Variants in ANXA2R observed in about 807,000 individuals in gnomAD.
The protein encoded by ANXA2R is annexin A2 receptor.
For missense variants in ANXA2R, 244 were observed against 241.5 expected (o/e 1.01, Z -0.07); for synonymous variants, 93 against 93.6 (o/e 0.99, Z 0.04).
In ANXA2R at chr5:43,040,047, C is replaced by T. The variant is rs753033445; in HGVS notation, c.-1G>A. On this transcript the variant is annotated 5_prime_UTR_variant, in exon 1 of 1. Coordinates refer to ENST00000616064, the MANE Select transcript of ANXA2R (RefSeq NM_001014279.3). ...CACAGCCAAGAAAATGTTGCTCCATCCCTCAAGCCTCAGACCAACGTTTGC... is the reference window on the plus strand; with the variant it reads ...CACAGCCAAGAAAATGTTGCTCCATTCCTCAAGCCTCAGACCAACGTTTGC... 36 of 1,597,902 alleles carry T rather than the reference C, an allele frequency of 2.3e-5. No homozygotes were observed. The South Asian group carries it at 3.8e-4, about 17-fold the overall frequency.
At position 43,039,869 on chromosome 5, in the gene ANXA2R, G is replaced by T. The variant is rs749578629; in HGVS notation, c.178C>A (p.Pro60Thr). The T allele has an allele frequency of 7.4e-6, 12 of 1,614,254 alleles. No individual in the cohort carries two copies. The South Asian group carries it at 1.3e-4, about 18-fold the overall frequency. ...TAGACTCCGGGCAGCCGCCAGCAAG[G>T]GCTGGAAAGCAGTCCCAAATCACAG... ...DSCDLGLLSSPCWRLPGVYWQ... is the reference protein window; with the variant it reads ...DSCDLGLLSSTCWRLPGVYWQ... Residue 60 changes from proline (P) to threonine (T), a missense_variant, in exon 1 of 1, where the codon CCT (proline) becomes ACT (threonine). Transcript: ENST00000616064.
chr5:43,043,233 G>C (rs1579633860), upstream of ANXA2R: 1 of 152,184 alleles, frequency 6.6e-6, no homozygotes, highest in Non-Finnish European at 1.5e-5. Flanking sequence ...AAATGTCTGT[G>C]CAGTTGCAAA....
Position 43,039,430 on chromosome 5 carries a change from C to G in ANXA2R, c.*35G>C. Reference sequence around the variant, plus strand: ...GACGTTTGGTAACTGAGAATCTTTTCAAGGAGGAGAATCCAAAAAGCCTTC... The same window carrying G: ...GACGTTTGGTAACTGAGAATCTTTTGAAGGAGGAGAATCCAAAAAGCCTTC... On this transcript the variant is annotated 3_prime_UTR_variant, in exon 1 of 1. Coordinates refer to ENST00000616064, the MANE Select transcript of ANXA2R (RefSeq NM_001014279.3). The G allele has an allele frequency of 6.8e-7, 1 of 1,465,808 alleles. No homozygotes were observed. The highest frequency in any genetic ancestry group is 1.5e-5 in the South Asian group (1 of 67,342). 90.8% of individuals were successfully genotyped at this position (1,465,808 alleles called of 1,614,324 possible). A position where few individuals can be genotyped will look rare whatever the true frequency, so the allele number is the denominator to read the frequency against.
chr5:43,041,176 A>C (rs1276689354), upstream of ANXA2R: 1 of 152,230 alleles, frequency 6.6e-6, no homozygotes, highest in African/African-American at 2.4e-5. Flanking sequence ...AATGAAAAAC[A>C]CATCGGTAAC....
upstream of ANXA2R, chr5:43,041,002 C>T (rs1233330541): frequency 6.6e-6 from 1 of 152,176 alleles, no homozygotes; most frequent in Admixed American, 6.5e-5. Context: ...GAAGCGGAGC[C>T]TCCAGACAGA....
rs1247999325 is a variant in ANXA2R at position 43,039,604 on chromosome 5, C to T, written c.443G>A (p.Arg148His). ...CCACGGCTGGAGGGCAGGAGGATGG[C>T]GGCGTTCCAAAAGGCACCCGCTGTC... ...VCDSGCLLER[R>H]HPPALQPWRH... The change falls in exon 1 of 1, where the codon CGC (arginine) becomes CAC (histidine). Residue 148 changes from arginine (R) to histidine (H), a missense_variant. Transcript: ENST00000616064. 4.3e-6 allele frequency: 7 copies of T among 1,613,828 alleles called. No homozygotes were observed. In the African/African-American group the frequency reaches 5.3e-5, roughly 12 times the overall value.
In ANXA2R at chr5:43,039,644, C is replaced by T. The variant is rs1472985120; in HGVS notation, c.403G>A (p.Asp135Asn). The change falls in exon 1 of 1, where the codon GAC (aspartate) becomes AAC (asparagine). Residue 135 changes from aspartate to asparagine, a missense_variant. Transcript: ENST00000616064. ...CACCCGCTGTCACAGACCTCGGTGTCCTGCTGTCTGTCCCAGGGATGGAGA... is the reference window on the plus strand; with the variant it reads ...CACCCGCTGTCACAGACCTCGGTGTTCTGCTGTCTGTCCCAGGGATGGAGA... ...SPLHPWDRQQDTEVCDSGCLL... is the reference protein window; with the variant it reads ...SPLHPWDRQQNTEVCDSGCLL... 6.2e-7 allele frequency: 1 copy of T among 1,613,572 alleles called. No individual in the cohort carries two copies. Among genetic ancestry groups the T allele is most frequent in the Admixed American group, 1.7e-5 (1 of 59,974 alleles).
chr5:43,039,448 A>G lies in ANXA2R; in HGVS notation c.*17T>C, dbSNP rs1742145234. On this transcript the variant is annotated 3_prime_UTR_variant, in exon 1 of 1. Transcript: ENST00000616064. ...ATCTTTTCAAGGAGGAGAATCCAAA[A>G]AGCCTTCTGCTGCTATCTAAGGCTG... is the stretch of plus-strand genomic sequence containing the variant. 1 of 1,489,936 alleles carries G rather than the reference A, an allele frequency of 6.7e-7. No homozygotes were observed. Among genetic ancestry groups the G allele is most frequent in the East Asian group, 2.3e-5 (1 of 42,862 alleles). 92.3% of individuals were successfully genotyped at this position (1,489,936 alleles called of 1,614,324 possible). A position where few individuals can be genotyped will look rare whatever the true frequency, so the allele number is the denominator to read the frequency against.
upstream of ANXA2R, chr5:43,042,858 A>G (rs1007849772): frequency 6.6e-6 from 1 of 152,528 alleles, no homozygotes. The surrounding 1 kb of genome is among the most constrained non-coding windows in gnomAD (Gnocchi z 5.6). Flanking sequence ...GCTCCGCGCA[A>G]TCAGTGGTTC....
In ANXA2R at chr5:43,040,089, G is replaced by A; in HGVS notation, c.-43C>T. ...AACGTTTGCGCTGATCAAGGAGGGA[G>A]AGTCTCTGCACTACCATCAGCCTGA... On this transcript the variant is annotated 5_prime_UTR_variant, in exon 1 of 1. Coordinates refer to ENST00000616064, the MANE Select transcript of ANXA2R (RefSeq NM_001014279.3). 1.9e-6 allele frequency: 3 copies of A among 1,540,020 alleles called. No individual in the cohort carries two copies. Among genetic ancestry groups the A allele is most frequent in the South Asian group, 2.5e-5 (2 of 80,156 alleles).
upstream of ANXA2R, chr5:43,041,511 C>T (rs1331417501): frequency 2.0e-5 from 3 of 152,046 alleles, no homozygotes; most frequent in East Asian, 1.9e-4. Context: ...TGAGACATCG[C>T]GATCGCCGGC....
upstream of ANXA2R, chr5:43,041,421 G>A (rs1406533873): frequency 6.6e-6 from 1 of 152,100 alleles, no homozygotes; most frequent in African/African-American, 2.4e-5. Flanking sequence ...CGTAGTAGCT[G>A]GTACATCCCG....
rs1212408007 is a variant in ANXA2R at position 43,039,488 on chromosome 5, TC to T, written c.558del (p.Ile187SerfsTer9). On this transcript the variant is annotated frameshift_variant, in exon 2 of 2. Coordinates refer to the ANXA2R transcript ENST00000314890. LOFTEE classifies it low-confidence loss of function (END_TRUNC). ...ATCTAAGGCTGCTTAGCTCCACAGATCCGTGAACAGCACGCCCAGAGTACAG... is the reference window on the plus strand; with the variant it reads ...ATCTAAGGCTGCTTAGCTCCACAGATCGTGAACAGCACGCCCAGAGTACAG... The T allele has an allele frequency of 6.3e-7, 1 of 1,587,080 alleles. No homozygotes were observed. Among genetic ancestry groups the T allele is most frequent in the East Asian group, 2.2e-5 (1 of 44,742 alleles).
rs1561349532 is a variant in ANXA2R, at chr5:43,039,986, C to G, written c.61G>C (p.Glu21Gln). ...RAWDSAEVAP[E>Q]PQPPPIVSSE... ...CTCACAATAGGTGGAGGCTGGGGCTCTGGCGCCACCTCTGCGGAATCCCAA... is the reference window on the plus strand; with the variant it reads ...CTCACAATAGGTGGAGGCTGGGGCTGTGGCGCCACCTCTGCGGAATCCCAA... The change falls in exon 1 of 1, where the codon GAG becomes CAG. Residue 21 changes from glutamate (E) to glutamine (Q), a missense_variant. Physicochemically the swap from Glu to Gln is conservative, Grantham distance 29 (BLOSUM62 2). Coordinates refer to ENST00000616064, the MANE Select transcript of ANXA2R (RefSeq NM_001014279.3). 6.2e-7 allele frequency: 1 copy of G among 1,613,662 alleles called. No homozygotes were observed. The highest frequency in any genetic ancestry group is 2.2e-5 in the East Asian group (1 of 44,878).
chr5:43,039,583 G>A lies in ANXA2R; in HGVS notation c.464C>T (p.Pro155Leu), dbSNP rs1180489607. Reference sequence around the variant, plus strand: ...TGAGAAACCCGGGAGGTGGCGCCACGGCTGGAGGGCAGGAGGATGGCGGCG... The same window carrying A: ...TGAGAAACCCGGGAGGTGGCGCCACAGCTGGAGGGCAGGAGGATGGCGGCG... ...LERRHPPALQ[P>L]WRHLPGFSDC... Residue 155 changes from proline (P) to leucine (L), a missense_variant, in exon 1 of 1, where the codon CCG becomes CTG. Pro to Leu is a moderately conservative substitution (Grantham distance 98). Coordinates refer to ENST00000616064, the MANE Select transcript of ANXA2R (RefSeq NM_001014279.3). The A allele has an allele frequency of 9.3e-6, 15 of 1,613,996 alleles. No homozygotes were observed. The highest frequency in any genetic ancestry group is 2.2e-5 in the East Asian group (1 of 44,888).
Position 43,039,739 on chromosome 5 carries a change from G to A in ANXA2R, c.308C>T (p.Pro103Leu). 1 of 1,614,188 alleles carries A rather than the reference G, an allele frequency of 6.2e-7. No individual in the cohort carries two copies. The highest frequency in any genetic ancestry group is 1.3e-5 in the African/African-American group (1 of 75,038). Residue 103 changes from proline (P) to leucine (L), a missense_variant, in exon 1 of 1, where the codon CCC becomes CTC. Transcript: ENST00000616064. ...CTCTGCCTGCCCCACCTCTTCTACG[G>A]GTGCCTCTTGCTGCTTCTGTGTCCC... ...WPGTQKQQEA[P>L]VEEVGQAEEP...
chr5:43,040,682 T>G, upstream of ANXA2R: 1 of 152,542 alleles, frequency 6.6e-6, no homozygotes, highest in Non-Finnish European at 1.5e-5. Flanking sequence ...TTTTAATCCG[T>G]TCAATGTGTT....
At chr5:43,040,934 A>C (rs1437700389), upstream of ANXA2R, 5 of 152,064 alleles carry the variant, frequency 3.3e-5, no homozygotes, top group Admixed American at 3.3e-4. Flanking sequence ...CAACTGAGAA[A>C]ACGCCCAGTG....
chr5:43,041,028 C>G (rs943882638), upstream of ANXA2R: 1 of 152,108 alleles, frequency 6.6e-6, no homozygotes, highest in Non-Finnish European at 1.5e-5. Flanking sequence ...GAACCTGATA[C>G]CAGCGAGGCT....
Sources: gnomAD v4.1 joint callset for allele counts on GRCh38, gnomAD v4.1.1 for gene constraint, Gnocchi (gnomAD v3.1) non-coding constraint, MANE v1.5 for transcripts, NCBI Gene and HGNC (gene_info 2026-07-23, HGNC 2026-07-21) for gene names.